The following EHMT1 variants were observed in gnomAD, a reference collection of about 807,000 sequenced individuals.
The protein encoded by EHMT1 is histone-lysine N-methyltransferase EHMT1.
Under a neutral mutation model 147.2 loss-of-function variants are expected in EHMT1, and 15 were observed. The observed-to-expected ratio is 0.10, with a 90% CI of 0.07 to 0.16. The LOEUF (loss-of-function observed/expected upper bound fraction) is 0.16. Among genes scored for constraint, EHMT1 ranks in the 10% least tolerant of loss-of-function variants. The pLI, the probability that EHMT1 is intolerant of heterozygous loss-of-function variation, is 1.00. For synonymous variants in EHMT1, 795 were observed against 709.6 expected, an observed-to-expected ratio of 1.12 and a Z score of -1.91; for missense variants, 1,587 against 1,772.4, an observed-to-expected ratio of 0.90 and a Z score of 1.88.
At chr9:137,817,276 G>A in intron 23 of EHMT1, 163 bp from the exon 24 acceptor site, 1 of 771,746 alleles carries the variant, frequency 1.3e-6, no homozygotes, top group East Asian at 2.7e-5. Flanking sequence ...CCCTGAGAGT[G>A]CGAGATGCCG....
chr9:137,635,827 A>G (rs1263302230), intron 1 of EHMT1, among the ~76,000 whole-genome samples: 4 of 151,862 alleles, frequency 2.6e-5, no homozygotes, highest in Admixed American at 6.6e-5. Flanking sequence ...CAAAAAACAA[A>G]ACAAAACAAA....
chr9:137,653,502 G>A (rs1246828378), intron 1 of EHMT1, among the ~76,000 whole-genome samples: 5 of 152,086 alleles, frequency 3.3e-5, no homozygotes, highest in Non-Finnish European at 7.4e-5. Flanking sequence ...TTGGCACACG[G>A]GAAGACTAAG....
chr9:137,832,643 C>A (rs60083497), intron 25 of EHMT1: 18,738 of 153,644 alleles, frequency 0.12, 3,752 homozygotes, highest in African/African-American at 0.42. Flanking sequence ...TCCAGCCGTC[C>A]TTCTCTGGAC....
At chr9:137,830,048 C>T (rs1375001005) in intron 25 of EHMT1, among the ~76,000 whole-genome samples, 1 of 151,150 alleles carries the variant, frequency 6.6e-6, no homozygotes. Flanking sequence ...AAATTTTGGT[C>T]TTTTTTTTCT....
intron 7 of EHMT1, 140 bp from the exon 8 acceptor site, chr9:137,754,031 T>C: frequency 1.4e-6 from 2 of 1,425,510 alleles, no homozygotes; most frequent in South Asian, 2.3e-5. Context: ...CAGCAAAATG[T>C]CTACAAGTTA....
chr9:137,834,962 C>A lies in EHMT1; in HGVS notation c.*9C>A. The A allele has an allele frequency of 1.4e-6, 2 of 1,411,098 alleles. No individual in the cohort carries two copies. Among genetic ancestry groups the A allele is most frequent in the Non-Finnish European group, 1.8e-6 (2 of 1,091,194 alleles). The allele number at this position is 1,411,098 out of a possible 1,614,324, so 87.4% of individuals were successfully genotyped here. The stretch of plus-strand genomic sequence containing the variant: ...CCGCCGACCCCCTATGAGACGCCGC[C>A]GGCCAGCGGGGCGCTCGGGAGCCAG... On this transcript the variant is annotated 3_prime_UTR_variant, in exon 27 of 27. Coordinates refer to ENST00000460843, the MANE Select transcript of EHMT1 (RefSeq NM_024757.5).
intron 2 of EHMT1, 33 bp from the exon 3 acceptor site, chr9:137,716,593 T>G: frequency 1.3e-6 from 2 of 1,532,616 alleles, no homozygotes; most frequent in Non-Finnish European, 8.8e-7. Flanking sequence ...GAGCGTGGCC[T>G]GCAGTCAGTG....
At chr9:137,681,926 G>A (rs545943585) in intron 1 of EHMT1, among the ~76,000 whole-genome samples, 5 of 152,030 alleles carry the variant, frequency 3.3e-5, no homozygotes, top group Non-Finnish European at 5.9e-5. Context: ...CAGTGAAACC[G>A]TCCTCGCGGT....
rs1004557170 is a variant in EHMT1 at position 137,702,305 on chromosome 9, A to G, written c.22-8662A>G. 3.3e-5 allele frequency among the ~76,000 whole-genome samples: 5 copies of G among 152,358 alleles called. No individual in the cohort carries two copies. In the East Asian group the frequency reaches 7.7e-4, roughly 23 times the overall value. On this transcript the variant is annotated intron_variant, in intron 1 of 26. Transcript: ENST00000460843. ...CCAAAGTCTTATCTGAGACAAGGTA[A>G]GTCCCTTCTGCCTATCAGCCTGTAA...
intron 1 of EHMT1, among the ~76,000 whole-genome samples, chr9:137,669,721 TTC>T (rs912533089): frequency 2.6e-5 from 4 of 152,148 alleles, no homozygotes; most frequent in Non-Finnish European, 4.4e-5. Context: ...CTTTTGTTTT[TTC>T]TCTTTTTTTA....
At chr9:137,798,738 T>C in intron 16 of EHMT1, 75 bp from the exon 17 acceptor site, 1 of 1,234,538 alleles carries the variant, frequency 8.1e-7, no homozygotes, top group Non-Finnish European at 1.2e-6. Flanking sequence ...CGGGTTCTCC[T>C]GGATCCCGCA....
In EHMT1 at chr9:137,758,159, T is replaced by C. The variant is rs58326032; in HGVS notation, c.1501+148T>C. 0.011 allele frequency: 12,675 copies of C among 1,112,638 alleles called. 976 individuals are homozygous for C. The African/African-American group carries it at 0.17, about 15-fold the overall frequency. The allele number at this position is 1,112,638 out of a possible 1,614,324, so 68.9% of individuals were successfully genotyped here. A position where few individuals can be genotyped will look rare whatever the true frequency, so the allele number is the denominator to read the frequency against. On this transcript the variant is annotated intron_variant, in intron 9 of 26. Transcript: ENST00000460843. ...ACTTCCAGCTGAGGTGTAGACAGGA[T>C]GGGGTGCGTTTGCTGTGTCCCGGTG...
In EHMT1 at chr9:137,697,529, ACTTTAAAGATTTTT is replaced by A. The variant is rs1207987681; in HGVS notation, c.22-13433_22-13420del. ...TTGAAGCGGTTTTAAATTTCTGGTA[ACTTTAAAGATTTTT>A]CTTTTAGCCTCATGTAGAAGGACAC... On this transcript the variant is annotated intron_variant, in intron 1 of 26. Transcript: ENST00000460843. 4.6e-5 allele frequency among the ~76,000 whole-genome samples: 7 copies of A among 152,272 alleles called. No individual in the cohort carries two copies. In the East Asian group the frequency reaches 9.6e-4, roughly 21 times the overall value.
intron 1 of EHMT1, among the ~76,000 whole-genome samples, chr9:137,669,665 T>G (rs1940300292): frequency 6.6e-6 from 1 of 151,806 alleles, no homozygotes; most frequent in Non-Finnish European, 1.5e-5. Context: ...GAGCATTCAT[T>G]GCCTTTAGTA....
intron 18 of EHMT1, among the ~76,000 whole-genome samples, chr9:137,806,125 A>G (rs1953928772): frequency 1.3e-5 from 2 of 151,254 alleles, no homozygotes; most frequent in Admixed American, 1.3e-4. Flanking sequence ...ACGCCTGGCT[A>G]ATTTTTGTAT....
At chr9:137,796,703 CAAA>C (rs11449759) in intron 16 of EHMT1, among the ~76,000 whole-genome samples, 8 of 85,840 alleles carry the variant, frequency 9.3e-5, no homozygotes, top group South Asian at 4.8e-4. Flanking sequence ...GACTCCATCT[CAAA>C]AAAAAAAAAA....
At position 137,813,210 on chromosome 9, in the gene EHMT1, G is replaced by T. The variant is rs1372441143; in HGVS notation, c.3035+37G>T. ...CCCAGGACGGCTTTGTGGCAAATCA[G>T]CGGTCAGCAGGGCTTTGGGAACTTG... On this transcript the variant is annotated intron_variant, in intron 20 of 26. Coordinates refer to ENST00000460843, the MANE Select transcript of EHMT1 (RefSeq NM_024757.5). The surrounding 1 kb of genome is among the most constrained non-coding windows in gnomAD (Gnocchi z 4.9). The T allele has an allele frequency of 6.2e-7, 1 of 1,601,232 alleles. No individual in the cohort carries two copies. Among genetic ancestry groups the T allele is most frequent in the South Asian group, 1.1e-5 (1 of 90,840 alleles).
intron 1 of EHMT1, among the ~76,000 whole-genome samples, chr9:137,686,193 C>T (rs1406300449): frequency 6.6e-6 from 1 of 152,046 alleles, no homozygotes; most frequent in Admixed American, 6.6e-5. Flanking sequence ...CTTTGCAGCA[C>T]AGATGTTTTT....
intron 1 of EHMT1, among the ~76,000 whole-genome samples, 178 bp downstream of exon 1, chr9:137,619,227 G>A (rs1289511201): frequency 1.4e-5 from 2 of 141,422 alleles, no homozygotes; most frequent in Non-Finnish European, 3.1e-5. Flanking sequence ...GGCCGAGGCC[G>A]CCGGGCGTCC....
Sources: gnomAD v4.1 joint callset for allele counts (sites outside exome capture counted in the v4.1 genomes callset) on GRCh38, gnomAD v4.1.1 for gene constraint, Gnocchi (gnomAD v3.1) non-coding constraint, MANE v1.5 for transcripts, NCBI Gene and HGNC (gene_info 2026-07-23, HGNC 2026-07-21) for gene names.